TREM1: variants seen among roughly 807,000 people sequenced by gnomAD.
TREM1 encodes the protein triggering receptor expressed on myeloid cells 1, also known as triggering receptor expressed on monocytes 1.
Under a neutral mutation model 22.4 loss-of-function variants are expected in TREM1, and 16 were observed. That is an observed-to-expected ratio of 0.71 (90% confidence interval 0.48 to 1.08). The LOEUF is 1.08. Ranked by LOEUF, TREM1 falls within the 50% of genes least tolerant of loss-of-function variation. The pLI is 0.00. For missense variants in TREM1, 283 were observed against 282.9 expected, an observed-to-expected ratio of 1.00 and a Z score of 0.00; for synonymous variants, 110 against 111.6, an observed-to-expected ratio of 0.99 and a Z score of 0.09.
In TREM1 at chr6:41,276,165, G is replaced by T. The variant is rs536495063; in HGVS notation, c.665C>A (p.Ser222Tyr). Residue 222 changes from serine to tyrosine, a missense_variant, in exon 4 of 4, where the codon TCT becomes TAT. By Grantham distance (144) the Ser-to-Tyr change is moderately radical (BLOSUM62 -2). Transcript: ENST00000244709. ...GGFLSKSLVF[S>Y]VLFAVTLRSF... is the part of the protein sequence containing the mutation. The stretch of plus-strand genomic sequence containing the variant: ...CCTCAGCGTGACAGCAAACAGGACA[G>T]AGAAGACCAGGCTCTTACTCAGGAA... 1 of 1,614,168 alleles carries T rather than the reference G, an allele frequency of 6.2e-7. No individual in the cohort carries two copies. The highest frequency in any genetic ancestry group is 1.7e-5 in the Admixed American group (1 of 60,022).
In TREM1 at chr6:41,276,107, T is replaced by C. The variant is rs1767654365; in HGVS notation, c.*18A>G. On this transcript the variant is annotated 3_prime_UTR_variant, in exon 4 of 4. Coordinates refer to ENST00000244709, the MANE Select transcript of TREM1 (RefSeq NM_018643.5). Reference sequence around the variant, plus strand: ...GATGTGGCTGGAAGTCAGAGGACATTCTCGTGGGTTCGTGGGCCTAGGGTA... The same window carrying C: ...GATGTGGCTGGAAGTCAGAGGACATCCTCGTGGGTTCGTGGGCCTAGGGTA... 2 of 1,600,682 alleles carry C rather than the reference T, an allele frequency of 1.2e-6. No individual in the cohort carries two copies. The highest frequency in any genetic ancestry group is 1.7e-6 in the Non-Finnish European group (2 of 1,167,864).
At chr6:41,276,318 C>T in intron 3 of TREM1, 88 bp from the exon 4 acceptor site, 2 of 897,498 alleles carry the variant, frequency 2.2e-6, no homozygotes, top group Admixed American at 2.0e-5. Context: ...TCATGTCCCA[C>T]TCTCCTCTGC....
At position 41,282,420 on chromosome 6, in the gene TREM1, AT is replaced by A; in HGVS notation, c.380del (p.Asp127ValfsTer7). On this transcript the variant is annotated frameshift_variant, in exon 2 of 4. Coordinates refer to ENST00000244709, the MANE Select transcript of TREM1 (RefSeq NM_018643.5). LOFTEE classifies it high-confidence loss of function. The stretch of plus-strand genomic sequence containing the variant: ...CCTTGGTCACCACCAAGCGGATGCG[AT>A]CGAACAGCATGTGAGGCTCCTTGGG... Reference protein sequence around the residue: ...QPPKEPHMLFDRIRLVVTKGF... With the variant: ...QPPKEPHMLFXRIRLVVTKGF... 6.2e-7 allele frequency: 1 copy of A among 1,613,240 alleles called. No homozygotes were observed. The highest frequency in any genetic ancestry group is 8.5e-7 in the Non-Finnish European group (1 of 1,179,494).
chr6:41,283,715 A>ACAC (rs1554147912), intron 1 of TREM1, among the ~76,000 whole-genome samples: 100 of 134,650 alleles, frequency 7.4e-4, no homozygotes, highest in Middle Eastern at 7.9e-3. Context: ...CTGTTAAAAA[A>ACAC]AAAAACACAC....
At chr6:41,279,542 C>G (rs79918075) in intron 3 of TREM1, 16,952 of 984,448 alleles carry the variant, frequency 0.017, 867 homozygotes, top group African/African-American at 0.17. Flanking sequence ...CTTAGTAGAT[C>G]ATTCGTTTGA....
In TREM1 at chr6:41,276,159, A is replaced by C; in HGVS notation, c.671T>G (p.Leu224Arg). Residue 224 changes from leucine to arginine, a missense_variant, in exon 4 of 4, where the codon CTG becomes CGG. Leu to Arg is a moderately radical substitution (Grantham distance 102). Coordinates refer to ENST00000244709, the MANE Select transcript of TREM1 (RefSeq NM_018643.5). ...AAATGACCTCAGCGTGACAGCAAAC[A>C]GGACAGAGAAGACCAGGCTCTTACT... ...FLSKSLVFSV[L>R]FAVTLRSFVP 1 of 1,614,160 alleles carries C rather than the reference A, an allele frequency of 6.2e-7. No homozygotes were observed. Among genetic ancestry groups the C allele is most frequent in the South Asian group, 1.1e-5 (1 of 91,074 alleles).
chr6:41,280,547 G>T, intron 3 of TREM1: 1 of 1,107,236 alleles, frequency 9.0e-7, no homozygotes, highest in Non-Finnish European at 1.1e-6. Flanking sequence ...AATTGTCAAA[G>T]AAGCTAAAGC....
At chr6:41,283,926 G>C (rs1251755809) in intron 1 of TREM1, among the ~76,000 whole-genome samples, 1 of 152,104 alleles carries the variant, frequency 6.6e-6, no homozygotes, top group African/African-American at 2.4e-5. Flanking sequence ...GTAGGAATAG[G>C]CTGCCCGAGA....
intron 1 of TREM1, among the ~76,000 whole-genome samples, chr6:41,285,494 C>T (rs1768124952): frequency 6.6e-6 from 1 of 152,144 alleles, no homozygotes; most frequent in South Asian, 2.1e-4. Context: ...TCTGGTTCCA[C>T]CTAAAGCACT....
At chr6:41,279,108 A>G (rs1767791915) in intron 3 of TREM1, among the ~76,000 whole-genome samples, 1 of 152,146 alleles carries the variant, frequency 6.6e-6, no homozygotes, top group South Asian at 2.1e-4. Context: ...GGAAAGGGAG[A>G]GTGTCTTAGA....
chr6:41,276,129 G>A lies in TREM1; in HGVS notation c.701C>T (p.Pro234Leu), dbSNP rs755105389. Residue 234 changes from proline (P) to leucine (L), a missense_variant, in exon 4 of 4, where the codon CCC becomes CTC. Pro to Leu is a moderately conservative substitution (Grantham distance 98). Transcript: ENST00000244709. ...CATTCTCGTGGGTTCGTGGGCCTAG[G>A]GTACAAATGACCTCAGCGTGACAGC... ...LFAVTLRSFV[P>L] The A allele has an allele frequency of 8.1e-6, 13 of 1,613,632 alleles. No individual in the cohort carries two copies. The South Asian group carries it at 1.2e-4, about 15-fold the overall frequency.
At position 41,276,854 on chromosome 6, in the gene TREM1, T is replaced by C. The variant is rs114435886; in HGVS notation, c.600-624A>G. Among the ~76,000 whole-genome samples, 978 of 152,162 alleles carry C rather than the reference T, an allele frequency of 6.4e-3. 7 individuals carry two copies. The highest frequency in any genetic ancestry group is 0.022 in the African/African-American group (925 of 41,520). On this transcript the variant is annotated intron_variant, in intron 3 of 3. Coordinates refer to ENST00000244709, the MANE Select transcript of TREM1 (RefSeq NM_018643.5). ...CAAAGGCCAGATGCAGAGCCAGTGC[T>C]ATGCAGGAACATAATGTCTAAGGAA... is the stretch of plus-strand genomic sequence containing the variant.
At chr6:41,276,654 A>G (rs1767683984) in intron 3 of TREM1, among the ~76,000 whole-genome samples, 1 of 152,208 alleles carries the variant, frequency 6.6e-6, no homozygotes, top group African/African-American at 2.4e-5. Flanking sequence ...CATGAATTTT[A>G]TAGATTTTGG....
chr6:41,280,619 G>A, intron 3 of TREM1: 1 of 1,334,106 alleles, frequency 7.5e-7, no homozygotes, highest in Non-Finnish European at 9.6e-7. Flanking sequence ...ACTAGATCCA[G>A]GGCCCCTCAC....
chr6:41,286,421 T>TC (rs1397496418), intron 1 of TREM1, among the ~76,000 whole-genome samples, 186 bp downstream of exon 1: 1 of 152,120 alleles, frequency 6.6e-6, no homozygotes, highest in Non-Finnish European at 1.5e-5. Flanking sequence ...CCTGACTCTC[T>TC]CCTTCTTTTA....
intron 2 of TREM1, 44 bp downstream of exon 2, chr6:41,282,351 T>C (rs1278557186): frequency 6.7e-7 from 1 of 1,490,738 alleles, no homozygotes; most frequent in South Asian, 1.2e-5. Context: ...ACTGCCCCTT[T>C]CCTCACCTGG....
chr6:41,280,001 C>G (rs1247624788), intron 3 of TREM1: 1 of 979,794 alleles, frequency 1.0e-6, no homozygotes, highest in African/African-American at 1.8e-5. Flanking sequence ...ATGGCTTTCC[C>G]AATTGATAGA....
At chr6:41,279,732 A>G in intron 3 of TREM1, 1 of 985,432 alleles carries the variant, frequency 1.0e-6, no homozygotes, top group Non-Finnish European at 1.2e-6. Flanking sequence ...GATTTAAAAG[A>G]CTAAATCCGT....
intron 3 of TREM1, 59 bp downstream of exon 3, chr6:41,280,902 G>C: frequency 6.2e-7 from 1 of 1,612,734 alleles, no homozygotes; most frequent in Admixed American, 1.7e-5. Flanking sequence ...TCAGCACACA[G>C]ACTGGGAAAC....
Sources: gnomAD v4.1 joint callset for allele counts (sites outside exome capture counted in the v4.1 genomes callset) on GRCh38, gnomAD v4.1.1 for gene constraint, MANE v1.5 for transcripts, NCBI Gene and HGNC (gene_info 2026-07-23, HGNC 2026-07-21) for gene names.